IL1RAPL2: variants seen among roughly 807,000 people sequenced by gnomAD.
IL1RAPL2 encodes X-linked interleukin-1 receptor accessory protein-like 2.
In IL1RAPL2, 3 loss-of-function variants were observed where a neutral mutation model predicts 44.1. The observed-to-expected ratio is 0.07, with a 90% CI of 0.03 to 0.18. IL1RAPL2 has a LOEUF of 0.18. IL1RAPL2 is among the 10% of genes least tolerant of loss of function. IL1RAPL2 has a pLI of 1.00. For synonymous variants in IL1RAPL2, 181 were observed against 178.8 expected (o/e 1.01, Z -0.10); for missense variants, 391 against 496.4 (o/e 0.79, Z 2.02).
At chrX:104,771,183 T>C (rs920394618) in intron 2 of IL1RAPL2, among the ~76,000 whole-genome samples, 1 of 112,226 alleles carries the variant, frequency 8.9e-6, no homozygotes, top group African/African-American at 3.2e-5. Flanking sequence ...ATCTCCTAAA[T>C]TTAACTTTTA....
chrX:105,544,475 A>G (rs2036772975), intron 6 of IL1RAPL2, among the ~76,000 whole-genome samples: 1 of 110,134 alleles, frequency 9.1e-6, no homozygotes, highest in African/African-American at 3.3e-5. Flanking sequence ...AGTGTTCAAT[A>G]GAAGTGGCGA....
intron 1 of IL1RAPL2, among the ~76,000 whole-genome samples, chrX:104,614,188 T>G (rs2148005502): frequency 1.8e-5 from 2 of 111,341 alleles, no homozygotes; most frequent in South Asian, 7.5e-4. Flanking sequence ...ACATCTCAAT[T>G]TCCTTCAGTT....
intron 5 of IL1RAPL2, among the ~76,000 whole-genome samples, chrX:105,328,697 A>G (rs2034961188): frequency 8.9e-6 from 1 of 112,003 alleles, no homozygotes; most frequent in African/African-American, 3.2e-5. Context: ...TTGGACAAGG[A>G]TGGACTACGT....
chrX:105,698,307 C>T (rs756432722), intron 6 of IL1RAPL2, among the ~76,000 whole-genome samples: 1 of 111,548 alleles, frequency 9.0e-6, no homozygotes, highest in Non-Finnish European at 1.9e-5. Context: ...TCCAAACCTC[C>T]TAGAGTAGCT....
intron 2 of IL1RAPL2, among the ~76,000 whole-genome samples, chrX:105,089,744 T>C (rs894268563): frequency 8.9e-6 from 1 of 111,935 alleles, no homozygotes; most frequent in Non-Finnish European, 1.9e-5. Flanking sequence ...GTACTTCATT[T>C]AATCCTCACT....
intron 2 of IL1RAPL2, among the ~76,000 whole-genome samples, chrX:105,174,876 G>A (rs961249542): frequency 6.3e-5 from 7 of 111,389 alleles, no homozygotes; most frequent in South Asian, 7.5e-4. Flanking sequence ...CAATAAGATC[G>A]CTATAATTTG....
intron 3 of IL1RAPL2, among the ~76,000 whole-genome samples, chrX:105,211,492 T>C (rs190411063): frequency 9.0e-6 from 1 of 111,190 alleles, no homozygotes; most frequent in Non-Finnish European, 1.9e-5. Context: ...TGTCATGATA[T>C]AACTCACTCA....
intron 2 of IL1RAPL2, among the ~76,000 whole-genome samples, chrX:104,825,131 G>C (rs5917151): frequency 0.34 from 37,453 of 110,492 alleles, 5,511 homozygotes; most frequent in East Asian, 0.46. Context: ...ATTAAAGTTT[G>C]AGGTGTGCCT....
chrX:104,696,873 T>C (rs1484116109), intron 2 of IL1RAPL2, among the ~76,000 whole-genome samples: 1 of 111,889 alleles, frequency 8.9e-6, no homozygotes, highest in Non-Finnish European at 1.9e-5. Context: ...ACTTTTGCAG[T>C]GGTTGCAGCA....
chrX:104,957,290 C>G (rs755942960), intron 2 of IL1RAPL2, among the ~76,000 whole-genome samples: 10 of 111,816 alleles, frequency 8.9e-5, no homozygotes, highest in Non-Finnish European at 1.9e-4. Context: ...AGGTGTTCTT[C>G]AGAATGCAAA....
At chrX:105,471,858 C>T (rs771059033) in intron 5 of IL1RAPL2, among the ~76,000 whole-genome samples, 1 of 111,801 alleles carries the variant, frequency 8.9e-6, no homozygotes, top group Non-Finnish European at 1.9e-5. Flanking sequence ...CTTTTGTTCT[C>T]TCACAAATGA....
At chrX:105,110,560 C>G (rs1053108341) in intron 2 of IL1RAPL2, among the ~76,000 whole-genome samples, 3 of 111,935 alleles carry the variant, frequency 2.7e-5, no homozygotes, top group African/African-American at 9.8e-5. Context: ...ACTTTAGAAA[C>G]AAATCAAGGT....
intron 5 of IL1RAPL2, among the ~76,000 whole-genome samples, chrX:105,430,266 C>A (rs1418680044): frequency 9.0e-6 from 1 of 111,527 alleles, no homozygotes; most frequent in Non-Finnish European, 1.9e-5. Flanking sequence ...ATTCACAACA[C>A]CCATAGTAGA....
At chrX:105,478,932 A>G (rs538464034) in intron 5 of IL1RAPL2, among the ~76,000 whole-genome samples, 10 of 112,233 alleles carry the variant, frequency 8.9e-5, no homozygotes, top group African/African-American at 2.6e-4. Flanking sequence ...TTAGGAAGAC[A>G]AGACATACCC....
intron 2 of IL1RAPL2, among the ~76,000 whole-genome samples, chrX:104,802,369 TA>T (rs1159152106): frequency 3.2e-4 from 30 of 93,629 alleles, no homozygotes; most frequent in Middle Eastern, 5.6e-3. Flanking sequence ...ACAAAACAAA[TA>T]AAAAAAAAAG....
intron 6 of IL1RAPL2, among the ~76,000 whole-genome samples, chrX:105,688,769 A>G (rs2038008051): frequency 1.8e-5 from 2 of 112,009 alleles, no homozygotes; most frequent in Non-Finnish European, 3.8e-5. Flanking sequence ...TGCCAGGACA[A>G]TCCTAAGCAA....
At chrX:105,650,099 G>A (rs999710624) in intron 6 of IL1RAPL2, among the ~76,000 whole-genome samples, 7 of 111,427 alleles carry the variant, frequency 6.3e-5, no homozygotes, top group Non-Finnish European at 9.4e-5. Context: ...TAACCTCAGC[G>A]CTCTTGACAT....
chrX:105,341,054 A>G (rs2035066194), intron 5 of IL1RAPL2, among the ~76,000 whole-genome samples: 1 of 110,831 alleles, frequency 9.0e-6, no homozygotes, highest in Non-Finnish European at 1.9e-5. Flanking sequence ...AATTAGAGAA[A>G]CCAGGCATGG....
chrX:105,197,031 A>G (rs1475309568), intron 3 of IL1RAPL2, among the ~76,000 whole-genome samples: 1 of 111,672 alleles, frequency 9.0e-6, no homozygotes, highest in Non-Finnish European at 1.9e-5. Context: ...ACAAGGTGGT[A>G]TATAAATAGA....
Sources: allele counts gnomAD v4.1 joint callset (sites outside exome capture counted in the v4.1 genomes callset), GRCh38; gene constraint gnomAD v4.1.1; transcripts MANE v1.5; gene names NCBI Gene and HGNC (gene_info 2026-07-23, HGNC 2026-07-21).